The following HCK variants were observed in gnomAD, a reference collection of about 807,000 sequenced individuals.
HCK encodes tyrosine-protein kinase HCK.
In HCK, 40 loss-of-function variants were observed where a neutral mutation model predicts 70.4. The observed-to-expected ratio is 0.57, with a 90% CI of 0.44 to 0.74. HCK has a LOEUF of 0.74. Ranked by LOEUF, HCK falls within the 30% of genes least tolerant of loss-of-function variation. The pLI, the probability that HCK is intolerant of heterozygous loss-of-function variation, is 0.00. For synonymous variants in HCK, 245 were observed against 263.2 expected (o/e 0.93, Z 0.67); for missense variants, 568 against 697.2 (o/e 0.81, Z 2.09).
intron 5 of HCK, among the ~76,000 whole-genome samples, chr20:32,076,913 C>T (rs2045635558): frequency 6.6e-6 from 1 of 152,030 alleles, no homozygotes; most frequent in Non-Finnish European, 1.5e-5. Flanking sequence ...TGGTGATACC[C>T]TGCCTCTACT....
chr20:32,099,514 T>C lies in HCK; in HGVS notation c.1378+379T>C, dbSNP rs551909798. Reference sequence around the variant, plus strand: ...CTGGGATTACAAGCATCCACCACCATGCCTGGCTAATTTTTGTATTTTTAG... The same window carrying C: ...CTGGGATTACAAGCATCCACCACCACGCCTGGCTAATTTTTGTATTTTTAG... On this transcript the variant is annotated intron_variant, in intron 12 of 12. Transcript: ENST00000375852. Among the ~76,000 whole-genome samples the C allele has an allele frequency of 2.4e-4, 36 of 152,116 alleles. No homozygotes were observed. In the South Asian group the frequency reaches 5.6e-3, roughly 24 times the overall value.
chr20:32,090,148 G>C (rs554506667), intron 10 of HCK, among the ~76,000 whole-genome samples: 1 of 152,374 alleles, frequency 6.6e-6, no homozygotes, highest in Non-Finnish European at 1.5e-5. Context: ...TCCTCTGGGA[G>C]ACAATAGACT....
At chr20:32,090,216 C>T (rs146551076) in intron 10 of HCK, among the ~76,000 whole-genome samples, 3 of 152,360 alleles carry the variant, frequency 2.0e-5, no homozygotes, top group African/African-American at 7.2e-5. Flanking sequence ...GCAGCAGTCA[C>T]CGACCAGGGC....
chr20:32,052,777 C>T (rs1468456368), intron 1 of HCK, among the ~76,000 whole-genome samples: 5 of 133,158 alleles, frequency 3.8e-5, no homozygotes, highest in African/African-American at 1.6e-4. Flanking sequence ...CCAGGTTCCC[C>T]TTCTTGGGGG....
rs897093802 is a variant in HCK at position 32,052,362 on chromosome 20, G to A, written c.-63G>A. On this transcript the variant is annotated 5_prime_UTR_variant, in exon 1 of 13. Coordinates refer to ENST00000375852, the MANE Select transcript of HCK (RefSeq NM_002110.5). ...CAAAGCCCCTCAGAGCGTCGCCCCC[G>A]CCTCTAGTTCTAGAAAGTCAGTTTC... 5.6e-5 allele frequency: 66 copies of A among 1,180,992 alleles called. No homozygotes were observed. The highest frequency in any genetic ancestry group is 7.1e-5 in the Non-Finnish European group (65 of 915,872). 73.2% of individuals were successfully genotyped at this position (1,180,992 alleles called of 1,614,324 possible). A position where few individuals can be genotyped will look rare whatever the true frequency, so the allele number is the denominator to read the frequency against.
intron 6 of HCK, 94 bp downstream of exon 6, chr20:32,079,971 C>A: frequency 1.1e-6 from 1 of 912,520 alleles, no homozygotes. Context: ...CTGGGAAAGG[C>A]TGAAAAACCC....
At chr20:32,073,473 C>A in intron 3 of HCK, 112 bp downstream of exon 3, 1 of 981,548 alleles carries the variant, frequency 1.0e-6, no homozygotes. Context: ...TGTCGAGAAT[C>A]CCCAAAATTT....
At chr20:32,057,692 CTCTT>C (rs1348449522) in intron 1 of HCK, among the ~76,000 whole-genome samples, 2 of 152,196 alleles carry the variant, frequency 1.3e-5, no homozygotes, top group Admixed American at 6.5e-5. Context: ...CTCTCTCAGC[CTCTT>C]TCTTTCTTAC....
intron 12 of HCK, 152 bp from the exon 13 acceptor site, chr20:32,101,165 C>G (rs2046027405): frequency 1.5e-6 from 1 of 682,804 alleles, no homozygotes; most frequent in Admixed American, 2.7e-5. Flanking sequence ...GCAAGTGAAG[C>G]TGAGGGTGGA....
At chr20:32,058,304 G>A (rs1295153644) in intron 1 of HCK, among the ~76,000 whole-genome samples, 2 of 152,078 alleles carry the variant, frequency 1.3e-5, no homozygotes, top group African/African-American at 4.8e-5. Context: ...GGACAAAGCA[G>A]GTGGATCACC....
intron 1 of HCK, among the ~76,000 whole-genome samples, chr20:32,069,403 G>T (rs2045505922): frequency 6.6e-6 from 1 of 152,186 alleles, no homozygotes; most frequent in Non-Finnish European, 1.5e-5. Flanking sequence ...TGCCCAGAGA[G>T]GTAGAGTGAG....
At chr20:32,064,944 CAGA>C in intron 1 of HCK, among the ~76,000 whole-genome samples, 2 of 152,372 alleles carry the variant, frequency 1.3e-5, no homozygotes, top group African/African-American at 4.8e-5. Flanking sequence ...TGCAACCAGG[CAGA>C]CTGCTTCTGC....
chr20:32,075,748 A>T (rs1000603433), intron 5 of HCK, among the ~76,000 whole-genome samples: 1 of 150,578 alleles, frequency 6.6e-6, no homozygotes, highest in Non-Finnish European at 1.5e-5. Context: ...CCATCATCCA[A>T]CAGATACCTG....
intron 11 of HCK, among the ~76,000 whole-genome samples, chr20:32,094,802 A>AG (rs879290871): frequency 0.12 from 9,463 of 77,332 alleles, 844 homozygotes; most frequent in Middle Eastern, 0.16. Flanking sequence ...AGAAAGAAAG[A>AG]AAGAAAGAAA....
intron 1 of HCK, among the ~76,000 whole-genome samples, chr20:32,054,475 TAAAAAAAAAA>T (rs529274774): frequency 1.3e-4 from 2 of 15,886 alleles, no homozygotes; most frequent in African/African-American, 3.8e-4. Flanking sequence ...AAACTCCACC[TAAAAAAAAAA>T]AAAAAAAAAA....
At chr20:32,055,637 C>A in intron 1 of HCK, among the ~76,000 whole-genome samples, 1 of 151,950 alleles carries the variant, frequency 6.6e-6, no homozygotes, top group South Asian at 2.1e-4. Flanking sequence ...TTATATAGTT[C>A]AAAATTTTTA....
intron 10 of HCK, 34 bp downstream of exon 10, chr20:32,088,678 C>T: frequency 6.4e-7 from 1 of 1,565,694 alleles, no homozygotes; most frequent in South Asian, 1.1e-5. Flanking sequence ...GGAAGGGAAA[C>T]AGGAATTCGA....
chr20:32,101,233 C>T, intron 12 of HCK, 84 bp from the exon 13 acceptor site: 1 of 1,232,490 alleles, frequency 8.1e-7, no homozygotes, highest in South Asian at 1.3e-5. Context: ...GGAGTGATGC[C>T]TGCTGGGGAG....
At chr20:32,063,101 C>CG (rs2045404229) in intron 1 of HCK, among the ~76,000 whole-genome samples, 1 of 152,074 alleles carries the variant, frequency 6.6e-6, no homozygotes, top group Admixed American at 6.6e-5. Context: ...ACTGACTAGC[C>CG]GGGGGACCCA....
Sources: gnomAD v4.1 joint callset for allele counts (sites outside exome capture counted in the v4.1 genomes callset) on GRCh38, gnomAD v4.1.1 for gene constraint, MANE v1.5 for transcripts, NCBI Gene and HGNC (gene_info 2026-07-23, HGNC 2026-07-21) for gene names.